The following CTNNA2 variants were observed in gnomAD, a reference collection of about 807,000 sequenced individuals.
The protein encoded by CTNNA2 is catenin alpha 2.
Under a neutral mutation model 101.0 loss-of-function variants are expected in CTNNA2, and 42 were observed. That is an observed-to-expected ratio of 0.42 (90% CI 0.32 to 0.54). The LOEUF (loss-of-function observed/expected upper bound fraction) is 0.54. CTNNA2 is among the 20% of genes least tolerant of loss of function. The pLI is 0.14. For synonymous variants in CTNNA2, 450 were observed against 456.4 expected, an observed-to-expected ratio of 0.99 and a Z score of 0.18; for missense variants, 871 against 1,223.1, an observed-to-expected ratio of 0.71 and a Z score of 4.29.
intron 3 of CTNNA2, among the ~76,000 whole-genome samples, chr2:79,314,162 A>G (rs1353148034): frequency 6.6e-6 from 1 of 152,138 alleles, no homozygotes; most frequent in Non-Finnish European, 1.5e-5. Context: ...CACTATTGTC[A>G]GATGTCTCCA....
chr2:79,967,992 C>T (rs1690196115), intron 7 of CTNNA2, among the ~76,000 whole-genome samples: 1 of 152,028 alleles, frequency 6.6e-6, no homozygotes, highest in Non-Finnish European at 1.5e-5. Context: ...TATAAAATAT[C>T]CAGAATTGGC....
At chr2:79,894,775 C>A (rs965111845) in intron 6 of CTNNA2, among the ~76,000 whole-genome samples, 5 of 152,154 alleles carry the variant, frequency 3.3e-5, no homozygotes, top group Non-Finnish European at 7.4e-5. Context: ...GAATATTGTT[C>A]TGTTTTTTGT....
intron 1 of CTNNA2, among the ~76,000 whole-genome samples, chr2:79,644,308 G>A (rs1056643258): frequency 5.3e-5 from 8 of 152,140 alleles, no homozygotes; most frequent in African/African-American, 1.9e-4. Context: ...AAAGTGCTGG[G>A]ATTACAGGCG....
intron 7 of CTNNA2, among the ~76,000 whole-genome samples, chr2:80,268,219 A>G (rs908755597): frequency 6.6e-6 from 1 of 152,244 alleles, no homozygotes; most frequent in Non-Finnish European, 1.5e-5. Flanking sequence ...ACTATTTTAA[A>G]GCAAAATTAT....
At chr2:79,315,475 A>T (rs1217804233) in intron 3 of CTNNA2, among the ~76,000 whole-genome samples, 2 of 152,136 alleles carry the variant, frequency 1.3e-5, no homozygotes, top group Non-Finnish European at 2.9e-5. Context: ...CCCAGTTAAG[A>T]TCTTTCATAA....
intron 2 of CTNNA2, among the ~76,000 whole-genome samples, chr2:79,221,485 G>A (rs890085384): frequency 1.3e-5 from 2 of 152,100 alleles, no homozygotes; most frequent in Non-Finnish European, 2.9e-5. Context: ...TTCACTCTAA[G>A]GGTATACTTG....
At chr2:79,350,948 G>A (rs1272264943) in intron 3 of CTNNA2, among the ~76,000 whole-genome samples, 1 of 152,134 alleles carries the variant, frequency 6.6e-6, no homozygotes, top group Non-Finnish European at 1.5e-5. Context: ...TTTGAGAAAT[G>A]TCAGTTTATG....
At chr2:79,415,314 A>C (rs2104496321) in intron 4 of CTNNA2, among the ~76,000 whole-genome samples, 1 of 152,256 alleles carries the variant, frequency 6.6e-6, no homozygotes, top group Non-Finnish European at 1.5e-5. Context: ...CATGTTTGTA[A>C]GATTCCTGAG....
intron 2 of CTNNA2, among the ~76,000 whole-genome samples, chr2:79,228,096 C>T (rs1387012554): frequency 2.0e-5 from 3 of 152,166 alleles, no homozygotes; most frequent in South Asian, 2.1e-4. Context: ...TCTTTTTTAT[C>T]GCTGTATTGT....
chr2:80,263,189 A>G (rs1672748289), intron 7 of CTNNA2, among the ~76,000 whole-genome samples: 1 of 152,084 alleles, frequency 6.6e-6, no homozygotes, highest in Non-Finnish European at 1.5e-5. Context: ...TTTCTGTTTC[A>G]CTTGATGGAT....
intron 4 of CTNNA2, among the ~76,000 whole-genome samples, chr2:79,417,350 T>A (rs1349617747): frequency 1.3e-5 from 2 of 152,158 alleles, no homozygotes; most frequent in South Asian, 4.1e-4. Context: ...TTTGTAAGAT[T>A]ACAAATATGG....
chr2:79,986,468 C>T lies in CTNNA2; in HGVS notation c.1056+76671C>T, dbSNP rs368991197. On this transcript the variant is annotated intron_variant, in intron 7 of 18. Coordinates refer to ENST00000402739, the MANE Select transcript of CTNNA2 (RefSeq NM_001282597.3). ...CACTGATAGTCTTATCAGTGAATTC[C>T]CTAAGCTGTAATAGTCTCAACAAAG... is the stretch of plus-strand genomic sequence containing the variant. Among the ~76,000 whole-genome samples, 7 of 152,176 alleles carry T rather than the reference C, an allele frequency of 4.6e-5. 1 individual carries two copies. The South Asian group carries it at 8.3e-4, about 18-fold the overall frequency.
chr2:79,537,253 G>T (rs1673130306), intron 1 of CTNNA2, among the ~76,000 whole-genome samples: 1 of 152,086 alleles, frequency 6.6e-6, no homozygotes, highest in African/African-American at 2.4e-5. Context: ...AAATTAACAA[G>T]CCCTTGAATC....
intron 7 of CTNNA2, among the ~76,000 whole-genome samples, chr2:79,923,475 T>A (rs1227759636): frequency 6.6e-6 from 1 of 152,150 alleles, no homozygotes; most frequent in Non-Finnish European, 1.5e-5. Flanking sequence ...AATAATTGTA[T>A]ATATTTATGG....
intron 4 of CTNNA2, among the ~76,000 whole-genome samples, chr2:79,425,644 AC>A (rs1477880947): frequency 6.6e-6 from 1 of 152,070 alleles, no homozygotes; most frequent in African/African-American, 2.4e-5. Flanking sequence ...AAAAGGCCCC[AC>A]CTTTTAATGC....
chr2:79,593,433 G>T (rs1365127280), intron 1 of CTNNA2, among the ~76,000 whole-genome samples: 2 of 152,172 alleles, frequency 1.3e-5, no homozygotes, highest in African/African-American at 2.4e-5. Flanking sequence ...GATTTTCTAA[G>T]CTTTACATTT....
chr2:79,607,572 A>T (rs1573464234), intron 1 of CTNNA2, among the ~76,000 whole-genome samples: 1 of 152,172 alleles, frequency 6.6e-6, no homozygotes, highest in South Asian at 2.1e-4. Flanking sequence ...ACTGATAAGT[A>T]TATTCTCAGA....
rs530858176 is a variant in CTNNA2, at chr2:79,277,699, A to T, written c.-405-35010A>T. Among the ~76,000 whole-genome samples, 4 of 152,242 alleles carry T rather than the reference A, an allele frequency of 2.6e-5. No individual in the cohort carries two copies. In the South Asian group the frequency reaches 8.3e-4, roughly 32 times the overall value. On this transcript the variant is annotated intron_variant, in intron 2 of 21. Coordinates refer to the CTNNA2 transcript ENST00000466387. Reference sequence around the variant, plus strand: ...TAGCTAGAGGTAGACCCAGGATTCAAACCTACATGTTTGACCCCAAAACTT... The same window carrying T: ...TAGCTAGAGGTAGACCCAGGATTCATACCTACATGTTTGACCCCAAAACTT...
chr2:80,111,208 T>A (rs1701190241), intron 7 of CTNNA2, among the ~76,000 whole-genome samples: 1 of 152,186 alleles, frequency 6.6e-6, no homozygotes, highest in African/African-American at 2.4e-5. Context: ...AAGATGAGAT[T>A]TGAGTGGGGA....
Sources: allele counts gnomAD v4.1 joint callset (sites outside exome capture counted in the v4.1 genomes callset), GRCh38; gene constraint gnomAD v4.1.1; transcripts MANE v1.5; gene names NCBI Gene and HGNC (gene_info 2026-07-23, HGNC 2026-07-21).